GNAQ: variants seen among roughly 807,000 people sequenced by gnomAD.
The protein encoded by GNAQ is guanine nucleotide-binding protein G(q) subunit alpha.
In GNAQ, 8 loss-of-function variants were observed where a neutral mutation model predicts 43.9. The ratio of observed to expected loss-of-function variants is 0.18; its 90% CI spans 0.11 to 0.33. GNAQ has a LOEUF of 0.33. Ranked by LOEUF, GNAQ falls within the 10% of genes least tolerant of loss-of-function variation. The pLI is 1.00. For missense variants in GNAQ, 158 were observed against 450.8 expected, an observed-to-expected ratio of 0.35 and a Z score of 5.88; for synonymous variants, 155 against 170.7, an observed-to-expected ratio of 0.91 and a Z score of 0.71.
chr9:77,975,240 A>G (rs1295144068), intron 1 of GNAQ, among the ~76,000 whole-genome samples: 1 of 152,204 alleles, frequency 6.6e-6, no homozygotes, highest in Non-Finnish European at 1.5e-5. Context: ...TAAATCTTGG[A>G]CAGTCACATT....
At position 77,867,048 on chromosome 9, in the gene GNAQ, A is replaced by C. The variant is rs149671769; in HGVS notation, c.322-51278T>G. 5.8e-3 allele frequency among the ~76,000 whole-genome samples: 877 copies of C among 152,340 alleles called. 6 individuals are homozygous for C. The highest frequency in any genetic ancestry group is 0.019 in the African/African-American group (793 of 41,578). On this transcript the variant is annotated intron_variant, in intron 2 of 6. Coordinates refer to ENST00000286548, the MANE Select transcript of GNAQ (RefSeq NM_002072.5). ...TAGTAAGACAGAGTGTGTTCTGAACATCCTTTCTACATTTATCACTGTTCA... is the reference window on the plus strand; with the variant it reads ...TAGTAAGACAGAGTGTGTTCTGAACCTCCTTTCTACATTTATCACTGTTCA...
chr9:77,922,168 T>A lies in GNAQ; in HGVS notation c.314A>T (p.His105Leu). Residue 105 changes from histidine to leucine, a missense_variant, in exon 2 of 7, where the codon CAC (histidine) becomes CTC (leucine). By Grantham distance (99) the His-to-Leu change is moderately conservative (BLOSUM62 -3). Coordinates refer to ENST00000286548, the MANE Select transcript of GNAQ (RefSeq NM_002072.5). ...ATGAAGAGTCGCACCTACCTTATTG[T>A]GCTCATACTTGTATGGGATCTTGAG... ...DTLKIPYKYE[H>L]NKAHAQLVRE... The A allele has an allele frequency of 6.2e-7, 1 of 1,610,456 alleles. No individual in the cohort carries two copies. The highest frequency in any genetic ancestry group is 8.5e-7 in the Non-Finnish European group (1 of 1,176,932).
chr9:77,728,716 T>A (rs200054457), intron 5 of GNAQ, 49 bp from the exon 6 acceptor site: 2 of 1,279,874 alleles, frequency 1.6e-6, no homozygotes, highest in Non-Finnish European at 2.2e-6. Context: ...ATTACATGAT[T>A]ACTTAATTTG....
At chr9:77,732,258 C>T (rs1189420792) in intron 5 of GNAQ, among the ~76,000 whole-genome samples, 2 of 152,222 alleles carry the variant, frequency 1.3e-5, no homozygotes, top group East Asian at 1.9e-4. Flanking sequence ...GTTTTGTTTA[C>T]TCTGAAGACA....
chr9:77,985,356 T>C (rs961185838), intron 1 of GNAQ, among the ~76,000 whole-genome samples: 1 of 152,114 alleles, frequency 6.6e-6, no homozygotes, highest in African/African-American at 2.4e-5. Flanking sequence ...GAGTTTTGTT[T>C]TGTTTTGGTT....
chr9:77,758,605 A>G (rs921083988), intron 5 of GNAQ, among the ~76,000 whole-genome samples: 1 of 152,214 alleles, frequency 6.6e-6, no homozygotes, highest in Non-Finnish European at 1.5e-5. Context: ...TTTCTCCTGT[A>G]TCATTTCAGA....
chr9:77,779,680 C>CAAAAAAAAAAAAAAAAAAAAAA (rs58014303), intron 5 of GNAQ, among the ~76,000 whole-genome samples: 7 of 95,942 alleles, frequency 7.3e-5, no homozygotes, highest in Non-Finnish European at 1.0e-4. Flanking sequence ...AAAAACAAAA[C>CAAAAAAAAAAAAAAAAAAAAAA]AAAAAAAAAA....
At position 77,728,277 on chromosome 9, in the gene GNAQ, G is replaced by A. The variant is rs111803064; in HGVS notation, c.889+237C>T. 5.7e-3 allele frequency among the ~76,000 whole-genome samples: 863 copies of A among 152,288 alleles called. 2 individuals carry two copies. The highest frequency in any genetic ancestry group is 0.02 in the African/African-American group (816 of 41,550). ...CAAAGTGCTGGGATTACAGGCGCTCGCCACTGTGCCCAGCCATGAGTTTCT... is the reference window on the plus strand; with the variant it reads ...CAAAGTGCTGGGATTACAGGCGCTCACCACTGTGCCCAGCCATGAGTTTCT... On this transcript the variant is annotated intron_variant, in intron 6 of 6. Transcript: ENST00000286548.
intron 5 of GNAQ, among the ~76,000 whole-genome samples, chr9:77,766,073 C>G (rs1254232190): frequency 1.3e-5 from 2 of 152,102 alleles, no homozygotes; most frequent in African/African-American, 4.8e-5. Flanking sequence ...GGGGGATGGA[C>G]AGAATTACTG....
chr9:77,940,421 G>T (rs941439539), intron 1 of GNAQ, among the ~76,000 whole-genome samples: 3 of 151,808 alleles, frequency 2.0e-5, no homozygotes, highest in African/African-American at 7.3e-5. Context: ...TCTCTACAAA[G>T]AAATACAAAA....
At chr9:77,999,654 A>G (rs1450162958) in intron 1 of GNAQ, among the ~76,000 whole-genome samples, 1 of 152,240 alleles carries the variant, frequency 6.6e-6, no homozygotes, top group Non-Finnish European at 1.5e-5. Context: ...TACTTATTTC[A>G]ACAAACATTT....
At chr9:77,940,840 G>A (rs1252178073) in intron 1 of GNAQ, among the ~76,000 whole-genome samples, 2 of 151,758 alleles carry the variant, frequency 1.3e-5, no homozygotes, top group African/African-American at 4.8e-5. Context: ...GGTGGCAGAC[G>A]CCTGTAGTCC....
At chr9:77,751,196 C>T (rs1825805514) in intron 5 of GNAQ, among the ~76,000 whole-genome samples, 1 of 152,202 alleles carries the variant, frequency 6.6e-6, no homozygotes, top group Admixed American at 6.5e-5. Context: ...TAATGGCCTG[C>T]CTTTTCCCTC....
intron 1 of GNAQ, among the ~76,000 whole-genome samples, chr9:77,957,456 A>G (rs970789547): frequency 6.6e-6 from 1 of 152,288 alleles, no homozygotes; most frequent in Admixed American, 6.5e-5. Flanking sequence ...CTATCCCTGG[A>G]GGCATTCATT....
At chr9:78,024,772 G>A (rs1010311814) in intron 1 of GNAQ, among the ~76,000 whole-genome samples, 4 of 151,976 alleles carry the variant, frequency 2.6e-5, no homozygotes, top group African/African-American at 4.8e-5. Context: ...GCACATAGTA[G>A]GTGCTCATAT....
chr9:77,999,833 A>G (rs894458856), intron 1 of GNAQ, among the ~76,000 whole-genome samples: 4 of 152,234 alleles, frequency 2.6e-5, no homozygotes, highest in Non-Finnish European at 5.9e-5. Context: ...CTGGAGGCCA[A>G]TAAAAATGAG....
At chr9:77,796,977 T>C (rs1485597208) in intron 4 of GNAQ, among the ~76,000 whole-genome samples, 1 of 152,242 alleles carries the variant, frequency 6.6e-6, no homozygotes, top group East Asian at 1.9e-4. Flanking sequence ...TAAGATTTTA[T>C]TGATTTCTTA....
At chr9:77,917,636 T>C (rs1028793766) in intron 2 of GNAQ, among the ~76,000 whole-genome samples, 3 of 152,170 alleles carry the variant, frequency 2.0e-5, no homozygotes, top group African/African-American at 7.2e-5. Context: ...TTGCACCTAG[T>C]AGAGCCTTAA....
rs1280125590 is a variant in GNAQ at position 77,717,417 on chromosome 9, G to A, written c.*3906C>T. The A allele has an allele frequency of 4.3e-6, 1 of 232,214 alleles. No individual in the cohort carries two copies. Among genetic ancestry groups the A allele is most frequent in the Non-Finnish European group, 8.5e-6 (1 of 117,566 alleles). The allele number at this position is 232,214 out of a possible 1,614,324, so 14.4% of individuals were successfully genotyped here. The stretch of plus-strand genomic sequence containing the variant: ...TCGTTTTGAGAAACTGAAAACAAAG[G>A]GAAATCAAGGGTAATCGGTAGGTGA... On this transcript the variant is annotated 3_prime_UTR_variant, in exon 7 of 7. Coordinates refer to ENST00000286548, the MANE Select transcript of GNAQ (RefSeq NM_002072.5).
Sources: gnomAD v4.1 joint callset for allele counts (sites outside exome capture counted in the v4.1 genomes callset) on GRCh38, gnomAD v4.1.1 for gene constraint, MANE v1.5 for transcripts, NCBI Gene and HGNC (gene_info 2026-07-23, HGNC 2026-07-21) for gene names.